Variants in GRID1 observed in about 807,000 individuals in gnomAD.
GRID1 encodes glutamate receptor ionotropic, delta-1.
GRID1 carries 28 observed loss-of-function variants against 98.0 expected under a neutral mutation model. That is an observed-to-expected ratio of 0.29 (90% CI 0.21 to 0.39). GRID1 has a LOEUF of 0.39. GRID1 is among the 10% of genes least tolerant of loss of function. GRID1 has a pLI of 1.00. For synonymous variants in GRID1, 553 were observed against 538.5 expected, an observed-to-expected ratio of 1.03 and a Z score of -0.37; for missense variants, 1,111 against 1,340.5, an observed-to-expected ratio of 0.83 and a Z score of 2.67.
intron 4 of GRID1, among the ~76,000 whole-genome samples, chr10:86,049,457 T>C (rs1391350926): frequency 3.3e-5 from 5 of 152,230 alleles, no homozygotes; most frequent in Non-Finnish European, 7.3e-5. Flanking sequence ...GGCTACTATA[T>C]GGCCCAGGAA....
chr10:86,283,036 C>T (rs555022942), intron 2 of GRID1, among the ~76,000 whole-genome samples: 47 of 152,300 alleles, frequency 3.1e-4, no homozygotes, highest in African/African-American at 1.0e-3. Flanking sequence ...ACCTTCTGAA[C>T]TGCTCTCACT....
intron 4 of GRID1, among the ~76,000 whole-genome samples, chr10:86,122,867 G>A (rs1334814526): frequency 2.6e-5 from 4 of 152,220 alleles, no homozygotes; most frequent in Admixed American, 6.5e-5. Context: ...AGACAAGGGG[G>A]GAGCCCAGTT....
At chr10:85,820,687 A>G (rs1842762000) in intron 8 of GRID1, among the ~76,000 whole-genome samples, 2 of 152,234 alleles carry the variant, frequency 1.3e-5, no homozygotes, top group Admixed American at 1.3e-4. Flanking sequence ...TTTTTTAATT[A>G]TAAAAGCCAC....
intron 2 of GRID1, among the ~76,000 whole-genome samples, chr10:86,221,669 T>C (rs1011284348): frequency 6.6e-6 from 1 of 152,096 alleles, no homozygotes. Context: ...CCTCCAGGAA[T>C]GGCCCGCTCA....
chr10:86,052,563 G>A (rs1369015546), intron 4 of GRID1: 2 of 151,910 alleles, frequency 1.3e-5, no homozygotes, highest in East Asian at 1.9e-4. Context: ...AGGTGCTGTC[G>A]GCTTTTTAAA....
At chr10:85,875,506 G>A (rs1199415403) in intron 5 of GRID1, among the ~76,000 whole-genome samples, 1 of 151,442 alleles carries the variant, frequency 6.6e-6, no homozygotes, top group East Asian at 1.9e-4. Context: ...TATATATTTG[G>A]ATTGATTTCT....
intron 4 of GRID1, among the ~76,000 whole-genome samples, chr10:85,965,290 A>T (rs1051361633): frequency 9.9e-5 from 15 of 152,258 alleles, no homozygotes; most frequent in African/African-American, 3.6e-4. Flanking sequence ...TACTGGGTAT[A>T]TACCCAAATA....
intron 4 of GRID1, among the ~76,000 whole-genome samples, chr10:86,029,728 CAA>C (rs1234738364): frequency 2.0e-5 from 3 of 151,464 alleles, no homozygotes; most frequent in East Asian, 3.9e-4. Flanking sequence ...TTGAAAAAAA[CAA>C]AAAGGGATGG....
intron 8 of GRID1, among the ~76,000 whole-genome samples, chr10:85,752,735 T>A (rs889788019): frequency 1.3e-5 from 2 of 152,246 alleles, no homozygotes; most frequent in African/African-American, 2.4e-5. Flanking sequence ...GAGCTGAGAC[T>A]GAGAGTTAAA....
chr10:86,309,276 A>G (rs1431626792), intron 2 of GRID1, among the ~76,000 whole-genome samples: 5 of 152,330 alleles, frequency 3.3e-5, no homozygotes, highest in Admixed American at 3.3e-4. Context: ...GCCTACAGAC[A>G]GCATCCTCGG....
In GRID1 at chr10:86,141,819, C is replaced by G. The variant is rs574610586; in HGVS notation, c.521-2795G>C. On this transcript the variant is annotated intron_variant, in intron 3 of 15. Coordinates refer to ENST00000327946, the MANE Select transcript of GRID1 (RefSeq NM_017551.3). Reference sequence around the variant, plus strand: ...CAGAAAGTCCTATTGCCTGGTACTGCCTGGAGAAACCGCCTTTAACCAGTG... The same window carrying G: ...CAGAAAGTCCTATTGCCTGGTACTGGCTGGAGAAACCGCCTTTAACCAGTG... 3.3e-5 allele frequency among the ~76,000 whole-genome samples: 5 copies of G among 152,306 alleles called. No individual in the cohort carries two copies. In the South Asian group the frequency reaches 8.3e-4, roughly 25 times the overall value.
At chr10:86,033,798 C>T (rs1843218748) in intron 4 of GRID1, among the ~76,000 whole-genome samples, 1 of 152,226 alleles carries the variant, frequency 6.6e-6, no homozygotes, top group Admixed American at 6.5e-5. Context: ...GGTAACCACT[C>T]CTACCACAGC....
At chr10:85,831,343 T>C (rs1842865730) in intron 8 of GRID1, among the ~76,000 whole-genome samples, 2 of 152,060 alleles carry the variant, frequency 1.3e-5, no homozygotes, top group Admixed American at 1.3e-4. Context: ...CTATGCTAAT[T>C]ACCTGGGTGA....
chr10:86,132,323 C>A (rs752699558), intron 4 of GRID1, among the ~76,000 whole-genome samples: 2 of 152,202 alleles, frequency 1.3e-5, no homozygotes, highest in African/African-American at 2.4e-5. Flanking sequence ...CCAGGCCCCG[C>A]GTTCTGGCTG....
chr10:86,315,937 T>C (rs1382938822), intron 2 of GRID1, among the ~76,000 whole-genome samples: 1 of 151,934 alleles, frequency 6.6e-6, no homozygotes, highest in Non-Finnish European at 1.5e-5. Flanking sequence ...TATCCATCCA[T>C]CCATTTACCC....
At chr10:85,740,807 A>G (rs183153831) in intron 8 of GRID1, among the ~76,000 whole-genome samples, 213 of 151,670 alleles carry the variant, frequency 1.4e-3, no homozygotes, top group African/African-American at 4.9e-3. Flanking sequence ...GCTGGAGTGC[A>G]GTGGCACGAT....
rs1166220485 is a variant in GRID1, at chr10:86,206,602, A to T, written c.282T>A (p.Thr94=). The stretch of plus-strand genomic sequence containing the variant: ...GCAGGGCATTGGCAGATGCACAGCC[A>T]GTGGACGTGACCAAGGCCAAAATCC... ...TQGILALVTS[T]GCASANALQS... The change falls in exon 3 of 16, where the codon ACT becomes ACA. Residue 94 remains threonine (T), a synonymous_variant. Transcript: ENST00000327946. This position sits in a 1 kb window ranked among gnomAD's most constrained non-coding sequence, Gnocchi z 4.1. 5.0e-6 allele frequency: 8 copies of T among 1,614,168 alleles called. No individual in the cohort carries two copies. Among genetic ancestry groups the T allele is most frequent in the Non-Finnish European group, 5.9e-6 (7 of 1,180,000 alleles).
At chr10:85,629,215 T>G (rs1477282287) in intron 13 of GRID1, among the ~76,000 whole-genome samples, 1 of 152,216 alleles carries the variant, frequency 6.6e-6, no homozygotes, top group Non-Finnish European at 1.5e-5. Flanking sequence ...TTTTTTTCCA[T>G]GAGTTCCTTT....
chr10:85,670,359 G>C (rs1217560519), intron 12 of GRID1, among the ~76,000 whole-genome samples: 1 of 152,190 alleles, frequency 6.6e-6, no homozygotes, highest in Non-Finnish European at 1.5e-5. Flanking sequence ...TGAGGATTCT[G>C]CCTGCCCCCT....
Sources: gnomAD v4.1 joint callset for allele counts (sites outside exome capture counted in the v4.1 genomes callset) on GRCh38, gnomAD v4.1.1 for gene constraint, Gnocchi (gnomAD v3.1) non-coding constraint, MANE v1.5 for transcripts, NCBI Gene and HGNC (gene_info 2026-07-23, HGNC 2026-07-21) for gene names.